The following HVCN1 variants were observed in gnomAD, a reference collection of about 807,000 sequenced individuals.
The protein encoded by HVCN1 is voltage-gated hydrogen channel 1.
Under a neutral mutation model 29.2 loss-of-function variants are expected in HVCN1, and 14 were observed. The ratio of observed to expected loss-of-function variants is 0.48; its 90% CI spans 0.32 to 0.75. HVCN1 has a LOEUF of 0.75. Among genes scored for constraint, HVCN1 ranks in the 30% least tolerant of loss-of-function variants. The pLI, the probability that HVCN1 is intolerant of heterozygous loss-of-function variation, is 0.04. For synonymous variants in HVCN1, 131 were observed against 133.2 expected, an observed-to-expected ratio of 0.98 and a Z score of 0.11; for missense variants, 263 against 341.8, an observed-to-expected ratio of 0.77 and a Z score of 1.82.
Position 110,649,216 on chromosome 12 carries a change from G to GAGTGGAT in HVCN1, c.*187_*193dup, listed in dbSNP as rs1208029624. On this transcript the variant is annotated 3_prime_UTR_variant, in exon 8 of 8. Coordinates refer to ENST00000242607, the MANE Select transcript of HVCN1 (RefSeq NM_032369.4). ...ATACATTTGATACAGTGTGGGGTGG[G>GAGTGGAT]AGTGGATGGGCAGCTCTTGGTGGTA... 7.4e-6 allele frequency: 5 copies of GAGTGGAT among 676,288 alleles called. No homozygotes were observed. Among genetic ancestry groups the GAGTGGAT allele is most frequent in the Non-Finnish European group, 1.3e-5 (5 of 372,458 alleles). 41.9% of individuals were successfully genotyped at this position (676,288 alleles called of 1,614,324 possible). A position where few individuals can be genotyped will look rare whatever the true frequency, so the allele number is the denominator to read the frequency against.
chr12:110,693,632 G>T (rs1246393882), upstream of HVCN1, among the ~76,000 whole-genome samples: 1 of 151,820 alleles, frequency 6.6e-6, no homozygotes, highest in African/African-American at 2.4e-5. Context: ...ATAGTTATTG[G>T]AGATATCTCA....
At chr12:110,668,845 C>G (rs142584357) in intron 3 of HVCN1, among the ~76,000 whole-genome samples, 15 of 152,298 alleles carry the variant, frequency 9.8e-5, no homozygotes, top group Non-Finnish European at 1.6e-4. Context: ...GTCCCACACT[C>G]TTTGACGCTG....
chr12:110,680,032 G>A (rs1000824185), intron 3 of HVCN1, among the ~76,000 whole-genome samples: 2 of 152,096 alleles, frequency 1.3e-5, no homozygotes, highest in Admixed American at 6.5e-5. Context: ...TCTCAGAAAC[G>A]AGGAGAGCTG....
chr12:110,649,475 C>G lies in HVCN1; in HGVS notation c.757G>C (p.Glu253Gln). The G allele has an allele frequency of 5.6e-6, 9 of 1,599,918 alleles. No individual in the cohort carries two copies. The highest frequency in any genetic ancestry group is 7.7e-6 in the Non-Finnish European group (9 of 1,170,428). ...TTGTTAAGTCTTTCAATTTCTTGTT[C>G]CTATTGCAAAAGCAGACAAACACTG... ...QHLEFSCSEK[E>Q]QEIERLNKLL... Residue 253 changes from glutamate to glutamine, a missense_variant and splice_region_variant, in exon 8 of 8, where the codon GAA becomes CAA. Glu to Gln is a conservative substitution (Grantham distance 29). Around this residue, in one of 3 missense-constraint regions of HVCN1, gnomAD observed 51 missense variants for 51.1 expected, o/e 1.00. Transcript: ENST00000242607.
rs972356111 is a variant in HVCN1 at position 110,658,887 on chromosome 12, C to G, written c.306+2277G>C. Among the ~76,000 whole-genome samples the G allele has an allele frequency of 6.6e-6, 1 of 152,210 alleles. No homozygotes were observed. The highest frequency in any genetic ancestry group is 2.4e-5 in the African/African-American group (1 of 41,458). On this transcript the variant is annotated intron_variant, in intron 4 of 7. Coordinates refer to ENST00000242607, the MANE Select transcript of HVCN1 (RefSeq NM_032369.4). The surrounding 1 kb of genome is among the most constrained non-coding windows in gnomAD (Gnocchi z 5.0). The stretch of plus-strand genomic sequence containing the variant: ...TTATGACAGGCATTCGTCTTTTTCC[C>G]CAGCAGGAGTATCTGGGTGTCCCAG...
rs563091627 is a variant in HVCN1, at chr12:110,703,409, T to A, written c.-228-976A>T. Among the ~76,000 whole-genome samples, 30 of 150,926 alleles carry A rather than the reference T, an allele frequency of 2.0e-4. No homozygotes were observed. The South Asian group carries it at 6.3e-3, about 32-fold the overall frequency. ...GACTCTAAAAAAAAAGGAAAAAAAATTAAAAATTAAAAAAAATTTAAAAAA... is the reference window on the plus strand; with the variant it reads ...GACTCTAAAAAAAAAGGAAAAAAAAATAAAAATTAAAAAAAATTTAAAAAA... On this transcript the variant is annotated intron_variant, in intron 1 of 4. Transcript: ENST00000546713.
At chr12:110,689,281 G>A (rs1690909946), upstream of HVCN1, 1 of 151,978 alleles carries the variant, frequency 6.6e-6, no homozygotes, top group Non-Finnish European at 1.5e-5. This position sits in a 1 kb window ranked among gnomAD's most constrained non-coding sequence, Gnocchi z 5.7. Flanking sequence ...CCTTGTCCCT[G>A]CCTGTGGTCA....
At chr12:110,674,602 C>A (rs1290685592) in intron 3 of HVCN1, among the ~76,000 whole-genome samples, 1 of 152,084 alleles carries the variant, frequency 6.6e-6, no homozygotes, top group Non-Finnish European at 1.5e-5. Context: ...ATCATGGGGG[C>A]CAATCTTTCT....
rs142864122 is a variant in HVCN1, at chr12:110,682,287, C to A, written c.21+938G>T. On this transcript the variant is annotated intron_variant, in intron 3 of 7. Coordinates refer to ENST00000242607, the MANE Select transcript of HVCN1 (RefSeq NM_032369.4). ...ACAGGCGTGAGCCACCGTGCCTTTG[C>A]CTCCTAAGTTCAAGCAATTCTCCTG... 1.1e-3 allele frequency among the ~76,000 whole-genome samples: 167 copies of A among 152,232 alleles called. 2 individuals are homozygous for A. The East Asian group carries it at 0.03, about 27-fold the overall frequency.
intron 3 of HVCN1, among the ~76,000 whole-genome samples, chr12:110,679,981 A>G (rs2068900137): frequency 6.6e-6 from 1 of 152,160 alleles, no homozygotes; most frequent in African/African-American, 2.4e-5. Context: ...CACCATGGCT[A>G]CAAAACCCCA....
Position 110,695,636 on chromosome 12 carries a change from A to T in HVCN1, c.-104+6673T>A, listed in dbSNP as rs950250932. Reference sequence around the variant, plus strand: ...AAGGTGGAGACTGAGATGCAGATCCACTGAGGCAGGACAGCAGGGAAGGGG... The same window carrying T: ...AAGGTGGAGACTGAGATGCAGATCCTCTGAGGCAGGACAGCAGGGAAGGGG... On this transcript the variant is annotated intron_variant, in intron 2 of 4. Transcript: ENST00000546713. 4.6e-4 allele frequency among the ~76,000 whole-genome samples: 70 copies of T among 152,232 alleles called. 1 individual carries two copies. Among genetic ancestry groups the T allele is most frequent in the Admixed American group, 2.7e-3 (42 of 15,288 alleles).
chr12:110,677,261 C>T (rs188425090), intron 3 of HVCN1, among the ~76,000 whole-genome samples: 79 of 152,166 alleles, frequency 5.2e-4, no homozygotes, highest in African/African-American at 1.6e-3. Context: ...TTTGCACGCT[C>T]TATCTAGCCT....
chr12:110,666,315 C>T (rs2068352419), intron 3 of HVCN1, among the ~76,000 whole-genome samples: 1 of 151,916 alleles, frequency 6.6e-6, no homozygotes, highest in African/African-American at 2.4e-5. Context: ...CCCAGCTACT[C>T]AGGAGGCTGA....
chr12:110,649,314 C>T lies in HVCN1; in HGVS notation c.*96G>A. 1 of 966,446 alleles carries T rather than the reference C, an allele frequency of 1.0e-6. No individual in the cohort carries two copies. The allele number at this position is 966,446 out of a possible 1,614,324, so 59.9% of individuals were successfully genotyped here. A position where few individuals can be genotyped will look rare whatever the true frequency, so the allele number is the denominator to read the frequency against. On this transcript the variant is annotated 3_prime_UTR_variant, in exon 8 of 8. Coordinates refer to ENST00000242607, the MANE Select transcript of HVCN1 (RefSeq NM_032369.4). ...AGGGAGGCAGAGGTATCAAACCAAA[C>T]CTCTCACCAAGCGGCCCAGGAGGGG... is the stretch of plus-strand genomic sequence containing the variant.
At chr12:110,657,268 C>T (rs1445738985) in intron 4 of HVCN1, among the ~76,000 whole-genome samples, 1 of 152,018 alleles carries the variant, frequency 6.6e-6, no homozygotes, top group African/African-American at 2.4e-5. Flanking sequence ...CAGAGGCGGG[C>T]AGATCACCTG....
intron 3 of HVCN1, among the ~76,000 whole-genome samples, chr12:110,673,492 T>C (rs914819754): frequency 1.3e-5 from 2 of 152,182 alleles, no homozygotes; most frequent in Admixed American, 1.3e-4. Context: ...GAAATTTCCA[T>C]AAATAGCAAG....
intron 3 of HVCN1, among the ~76,000 whole-genome samples, chr12:110,667,694 AG>A (rs1346740067): frequency 6.6e-6 from 1 of 152,194 alleles, no homozygotes; most frequent in African/African-American, 2.4e-5. Flanking sequence ...GGCCTCCCAA[AG>A]TTCTGGGATT....
rs373217560 is a variant in HVCN1, at chr12:110,651,332, G to A, written c.528C>T (p.Val176=). Reference sequence around the variant, plus strand: ...CGAGGATGAATGAGACCACCACCACGACGGCATCCAGGATCTCAAACTTGT... The same window carrying A: ...CGAGGATGAATGAGACCACCACCACAACGGCATCCAGGATCTCAAACTTGT... ...FHHKFEILDA[V]VVVVSFILDI... The change falls in exon 6 of 8, where the codon GTC becomes GTT. Residue 176 remains valine, a synonymous_variant. Transcript: ENST00000242607. The A allele has an allele frequency of 3.1e-6, 5 of 1,613,768 alleles. No individual in the cohort carries two copies. The highest frequency in any genetic ancestry group is 2.2e-5 in the East Asian group (1 of 44,884).
chr12:110,701,399 G>A (rs936566393), intron 2 of HVCN1, among the ~76,000 whole-genome samples: 3 of 152,082 alleles, frequency 2.0e-5, no homozygotes, highest in Admixed American at 6.6e-5. Flanking sequence ...CACATTCTTG[G>A]GCCCCAACTT....
Sources: allele counts gnomAD v4.1 joint callset (sites outside exome capture counted in the v4.1 genomes callset), GRCh38; gene constraint gnomAD v4.1.1; regional missense constraint gnomAD v4.1.1; non-coding constraint Gnocchi (gnomAD v3.1); transcripts MANE v1.5; gene names NCBI Gene and HGNC (gene_info 2026-07-23, HGNC 2026-07-21).